POLK: variants seen among roughly 807,000 people sequenced by gnomAD.
The protein encoded by POLK is polymerase (DNA directed) kappa.
Under a neutral mutation model 94.0 loss-of-function variants are expected in POLK, and 76 were observed. The observed-to-expected ratio is 0.81, with a 90% CI of 0.67 to 0.98. The LOEUF (loss-of-function observed/expected upper bound fraction) is 0.98. Among genes scored for constraint, POLK ranks in the 50% least tolerant of loss-of-function variants. The pLI is 0.00. For synonymous variants in POLK, 349 were observed against 325.4 expected (o/e 1.07, Z -0.78); for missense variants, 954 against 1,010.1 (o/e 0.94, Z 0.75).
chr5:75,576,550 A>G (rs55728913), intron 5 of POLK, among the ~76,000 whole-genome samples: 4 of 152,174 alleles, frequency 2.6e-5, no homozygotes, highest in African/African-American at 7.2e-5. Context: ...ATTGTATCAA[A>G]TGAAGCTATT....
chr5:75,532,067 A>G lies in POLK; in HGVS notation c.-13-14943A>G, dbSNP rs146726382. Among the ~76,000 whole-genome samples, 163 of 152,306 alleles carry G rather than the reference A, an allele frequency of 1.1e-3. 2 individuals carry two copies. The highest frequency in any genetic ancestry group is 3.8e-3 in the African/African-American group (156 of 41,574). On this transcript the variant is annotated intron_variant, in intron 1 of 14. Transcript: ENST00000241436. ...ACATCTAAGATGGAAGTCCCATTCC[A>G]TTATAAACCATTTTTGATTTTTTGT...
intron 3 of POLK, among the ~76,000 whole-genome samples, chr5:75,567,994 A>C (rs899146694): frequency 2.0e-5 from 3 of 152,202 alleles, no homozygotes; most frequent in African/African-American, 4.8e-5. Context: ...CTAGTGTCAC[A>C]GTAAGACTAA....
In POLK at chr5:75,533,940, A is replaced by G. The variant is rs150397862; in HGVS notation, c.-13-13070A>G. Reference sequence around the variant, plus strand: ...ACAGATTTTTGTACAATGATTTTGTATCCTGAAGCTTTGCTGAGGTTTATC... The same window carrying G: ...ACAGATTTTTGTACAATGATTTTGTGTCCTGAAGCTTTGCTGAGGTTTATC... On this transcript the variant is annotated intron_variant, in intron 1 of 14. Coordinates refer to ENST00000241436, the Ensembl canonical transcript of POLK. Among the ~76,000 whole-genome samples, 331 of 152,248 alleles carry G rather than the reference A, an allele frequency of 2.2e-3. 3 individuals are homozygous for G. The highest frequency in any genetic ancestry group is 3.2e-3 in the Non-Finnish European group (220 of 68,004).
At chr5:75,575,501 A>G (rs544754482) in intron 5 of POLK, among the ~76,000 whole-genome samples, 1 of 152,244 alleles carries the variant, frequency 6.6e-6, no homozygotes, top group South Asian at 2.1e-4. Context: ...GTTTTATCCA[A>G]AATATTGGAG....
At chr5:75,554,840 CTTTTT>C (rs1404670873) in intron 3 of POLK, among the ~76,000 whole-genome samples, 1 of 152,152 alleles carries the variant, frequency 6.6e-6, no homozygotes, top group Non-Finnish European at 1.5e-5. Context: ...TGATCTCATT[CTTTTT>C]TATTGCCACA....
intron 1 of POLK, chr5:75,512,796 T>C (rs1475982923): frequency 6.6e-6 from 1 of 152,236 alleles, no homozygotes; most frequent in African/African-American, 2.4e-5. Context: ...ACTTTCTTAC[T>C]ACAAGGATGG....
downstream of POLK, among the ~76,000 whole-genome samples, chr5:75,602,290 C>T (rs1052628130): frequency 3.9e-5 from 6 of 152,194 alleles, no homozygotes; most frequent in Non-Finnish European, 7.3e-5. Context: ...GGGCTTCAGC[C>T]ATTCAAAAAC....
At chr5:75,580,087 A>C (rs555609732) in intron 6 of POLK, among the ~76,000 whole-genome samples, 48 of 152,074 alleles carry the variant, frequency 3.2e-4, no homozygotes, top group Non-Finnish European at 4.7e-4. Flanking sequence ...TTCACACTAC[A>C]TATTTTAAAT....
At chr5:75,605,885 C>A (rs113515573), downstream of POLK, among the ~76,000 whole-genome samples, 391 of 150,176 alleles carry the variant, frequency 2.6e-3, 2 homozygotes, top group African/African-American at 9.1e-3. Context: ...TAAGGTGGGA[C>A]GAGAGATTTG....
chr5:75,539,450 T>C (rs1769622144), intron 1 of POLK, among the ~76,000 whole-genome samples: 1 of 152,216 alleles, frequency 6.6e-6, no homozygotes, highest in Non-Finnish European at 1.5e-5. Context: ...GTCTTTGAGT[T>C]GGTAACAATC....
intron 3 of POLK, among the ~76,000 whole-genome samples, chr5:75,556,774 T>C (rs752011362): frequency 1.3e-5 from 2 of 152,124 alleles, no homozygotes; most frequent in Non-Finnish European, 2.9e-5. Flanking sequence ...TAAAAAACTC[T>C]TTTCTTGCTA....
chr5:75,552,355 T>C, intron 2 of POLK, 117 bp from the exon 3 acceptor site: 1 of 893,046 alleles, frequency 1.1e-6, no homozygotes, highest in Non-Finnish European at 1.7e-6. Context: ...GTAGTAGAGC[T>C]AAGTTTTAAA....
At chr5:75,589,998 T>C (rs992079816) in intron 10 of POLK, among the ~76,000 whole-genome samples, 1 of 152,200 alleles carries the variant, frequency 6.6e-6, no homozygotes, top group Non-Finnish European at 1.5e-5. Flanking sequence ...TTTCTTAAGA[T>C]AATCTTCTGT....
At chr5:75,592,441 C>T (rs933169057) in intron 11 of POLK, among the ~76,000 whole-genome samples, 7 of 152,138 alleles carry the variant, frequency 4.6e-5, no homozygotes, top group South Asian at 2.1e-4. Flanking sequence ...GGGCCAGGCA[C>T]GGTGGCTCAT....
chr5:75,517,056 A>G (rs1267884290), intron 1 of POLK, among the ~76,000 whole-genome samples: 3 of 152,184 alleles, frequency 2.0e-5, no homozygotes, highest in African/African-American at 7.2e-5. Flanking sequence ...GCTTTGTAGT[A>G]TATTTTGAAG....
At chr5:75,602,010 G>T (rs138289812), downstream of POLK, among the ~76,000 whole-genome samples, 316 of 152,210 alleles carry the variant, frequency 2.1e-3, 1 homozygote, top group East Asian at 0.027. Flanking sequence ...GTTATATTAG[G>T]CTTTGTTATT....
chr5:75,597,040 A>C, exon 13 of POLK: 1 of 1,613,776 alleles, frequency 6.2e-7, no homozygotes, highest in Non-Finnish European at 8.5e-7. Context: ...TCCTGTTTGT[A>C]ACGTAGAACA....
intron 10 of POLK, among the ~76,000 whole-genome samples, chr5:75,588,020 A>G (rs982362504): frequency 3.5e-4 from 53 of 152,226 alleles, no homozygotes; most frequent in African/African-American, 1.3e-3. Context: ...AACTTTTACA[A>G]TACAACATAA....
At chr5:75,592,712 A>C (rs1405097115) in intron 11 of POLK, among the ~76,000 whole-genome samples, 1 of 150,784 alleles carries the variant, frequency 6.6e-6, no homozygotes, top group Admixed American at 6.6e-5. Context: ...AAAAAAAAAA[A>C]CAAACAAAAA....
Sources: allele counts gnomAD v4.1 joint callset (sites outside exome capture counted in the v4.1 genomes callset), GRCh38; gene constraint gnomAD v4.1.1; transcripts MANE v1.5; gene names NCBI Gene and HGNC (gene_info 2026-07-23, HGNC 2026-07-21).